Variants in NTRK2 observed in about 807,000 individuals in gnomAD.
NTRK2 encodes neurotrophic receptor tyrosine kinase 2, also known as BDNF/NT-3 growth factors receptor.
In NTRK2, 13 loss-of-function variants were observed where a neutral mutation model predicts 94.5. The observed-to-expected ratio is 0.14, with a 90% confidence interval of 0.09 to 0.22. The LOEUF (loss-of-function observed/expected upper bound fraction) is 0.22, where lower values mean the gene tolerates loss of function less well. Ranked by LOEUF, NTRK2 falls within the 10% of genes least tolerant of loss-of-function variation. The pLI is 1.00. For synonymous variants in NTRK2, 372 were observed against 407.4 expected, an observed-to-expected ratio of 0.91 and a Z score of 1.05; for missense variants, 639 against 1,071.2, an observed-to-expected ratio of 0.60 and a Z score of 5.63.
rs773097781 is a variant in NTRK2, at chr9:84,751,955, G to C, written c.1297-31G>C. ...ATGATTATAGGGAACTAATTAGCAA[G>C]GTTATAACCACCCTCCCTTCCTTTC... On this transcript the variant is annotated intron_variant, in intron 11 of 18. Coordinates refer to ENST00000277120, the MANE Select transcript of NTRK2 (RefSeq NM_006180.6). 6 of 1,571,804 alleles carry C rather than the reference G, an allele frequency of 3.8e-6. No homozygotes were observed. The Admixed American group carries it at 1.0e-4, about 26-fold the overall frequency.
In NTRK2 at chr9:84,934,301, A is replaced by C. The variant is rs1364420496; in HGVS notation, c.1764+9A>C. 6.2e-7 allele frequency: 1 copy of C among 1,613,698 alleles called. No homozygotes were observed. Among genetic ancestry groups the C allele is most frequent in the Non-Finnish European group, 8.5e-7 (1 of 1,179,778 alleles). On this transcript the variant is annotated intron_variant, in intron 15 of 18. Transcript: ENST00000277120. ...TCTTGGTGGCAGTGAAGGTAAGAGA[A>C]CATTCCAGAATGTCTCATTAACCAT...
At chr9:84,865,241 G>A (rs896412220) in intron 13 of NTRK2, among the ~76,000 whole-genome samples, 1 of 152,168 alleles carries the variant, frequency 6.6e-6, no homozygotes. Flanking sequence ...GCTTTTGAGT[G>A]TTCTGTGGCT....
intron 12 of NTRK2, among the ~76,000 whole-genome samples, chr9:84,820,256 G>A (rs1407632631): frequency 2.7e-5 from 4 of 147,196 alleles, no homozygotes; most frequent in Admixed American, 7.0e-5. Flanking sequence ...TGCAACCTCC[G>A]CATCCCAGGT....
chr9:84,803,484 A>G (rs960773416), intron 12 of NTRK2, among the ~76,000 whole-genome samples: 5 of 152,142 alleles, frequency 3.3e-5, no homozygotes, highest in Admixed American at 6.5e-5. Flanking sequence ...TGGGCTGTTA[A>G]TGTCCTCACT....
intron 14 of NTRK2, among the ~76,000 whole-genome samples, chr9:84,869,092 T>C (rs972916095): frequency 1.3e-5 from 2 of 152,194 alleles, no homozygotes; most frequent in Non-Finnish European, 2.9e-5. Context: ...TGAGATCCTC[T>C]AGTCAAAAGT....
At chr9:84,681,863 G>C in intron 2 of NTRK2, among the ~76,000 whole-genome samples, 1 of 151,988 alleles carries the variant, frequency 6.6e-6, no homozygotes, top group Non-Finnish European at 1.5e-5. Flanking sequence ...TCACTATATT[G>C]CTATATAAAG....
intron 4 of NTRK2, 61 bp downstream of exon 4, chr9:84,702,480 T>G: frequency 1.4e-6 from 2 of 1,407,070 alleles, no homozygotes; most frequent in Non-Finnish European, 2.0e-6. Context: ...TTCCCCCCTC[T>G]GTTTATTTTC....
At position 84,821,815 on chromosome 9, in the gene NTRK2, T is replaced by TAGAGAG. The variant is rs55923826; in HGVS notation, c.1397-39193_1397-39188dup. Among the ~76,000 whole-genome samples, 1,043 of 147,462 alleles carry TAGAGAG rather than the reference T, an allele frequency of 7.1e-3. 5 individuals are homozygous for TAGAGAG. Among genetic ancestry groups the TAGAGAG allele is most frequent in the Middle Eastern group, 0.024 (7 of 288 alleles). On this transcript the variant is annotated intron_variant, in intron 12 of 18. Coordinates refer to ENST00000277120, the MANE Select transcript of NTRK2 (RefSeq NM_006180.6). ...CCCTCTTAGCAGAGAGGGAGAGAAGTAGAGAGAGAGAGAGAGAGAGAGAGA... is the reference window on the plus strand; with the variant it reads ...CCCTCTTAGCAGAGAGGGAGAGAAGTAGAGAGAGAGAGAGAGAGAGAGAGAGAGAGA...
intron 13 of NTRK2, among the ~76,000 whole-genome samples, chr9:84,861,306 C>A (rs1015883108): frequency 6.6e-6 from 1 of 152,064 alleles, no homozygotes; most frequent in Admixed American, 6.6e-5. Flanking sequence ...AGATTTGACT[C>A]GTTTTTATCC....
intron 11 of NTRK2, 59 bp from the exon 12 acceptor site, chr9:84,751,927 C>A: frequency 8.0e-7 from 1 of 1,246,148 alleles, no homozygotes; most frequent in Non-Finnish European, 1.2e-6. Context: ...TCATCATCAC[C>A]ATATGATTAT....
chr9:84,715,534 GC>G (rs1249334785), intron 6 of NTRK2, among the ~76,000 whole-genome samples: 1 of 152,060 alleles, frequency 6.6e-6, no homozygotes, highest in African/African-American at 2.4e-5. Flanking sequence ...TCTTCAAACG[GC>G]CCTTCTAAAC....
intron 17 of NTRK2, among the ~76,000 whole-genome samples, chr9:84,965,782 G>A (rs1370553597): frequency 6.6e-6 from 1 of 152,096 alleles, no homozygotes; most frequent in East Asian, 1.9e-4. Context: ...TCAAAGTAGT[G>A]GGTCTTCAGG....
At chr9:84,802,243 A>G (rs1026623980) in intron 12 of NTRK2, among the ~76,000 whole-genome samples, 6 of 152,206 alleles carry the variant, frequency 3.9e-5, no homozygotes. Flanking sequence ...AAGCTGTTAT[A>G]TTTGGAATGC....
At chr9:84,968,338 T>G (rs906676979) in intron 17 of NTRK2, among the ~76,000 whole-genome samples, 1 of 152,212 alleles carries the variant, frequency 6.6e-6, no homozygotes, top group Non-Finnish European at 1.5e-5. Flanking sequence ...TTCTCAGAGC[T>G]CTGCCCTTTG....
chr9:84,760,941 A>G lies in NTRK2; in HGVS notation c.1396+8856A>G, dbSNP rs200104749. Reference sequence around the variant, plus strand: ...CAGCCTGCTAGAAAGGAAAAGAGGGATTGTCAAGAAATTAAATTCTTCCTT... The same window carrying G: ...CAGCCTGCTAGAAAGGAAAAGAGGGGTTGTCAAGAAATTAAATTCTTCCTT... On this transcript the variant is annotated intron_variant, in intron 12 of 18. Coordinates refer to ENST00000277120, the MANE Select transcript of NTRK2 (RefSeq NM_006180.6). Among the ~76,000 whole-genome samples the G allele has an allele frequency of 2.0e-5, 3 of 152,308 alleles. No individual in the cohort carries two copies. The East Asian group carries it at 5.8e-4, about 29-fold the overall frequency.
At chr9:84,923,831 C>T (rs557238741) in intron 14 of NTRK2, among the ~76,000 whole-genome samples, 7 of 151,832 alleles carry the variant, frequency 4.6e-5, no homozygotes, top group Non-Finnish European at 7.4e-5. Flanking sequence ...GCCCGGGAGG[C>T]GGAGGTCGCA....
chr9:84,692,964 G>A lies in NTRK2; in HGVS notation c.213-9195G>A, dbSNP rs189018279. ...ATGGGCCAGTGAAAGATCGGAAGTT[G>A]CTCAAGATGGAACCAATTGGAAATG... On this transcript the variant is annotated intron_variant, in intron 2 of 18. Transcript: ENST00000277120. Among the ~76,000 whole-genome samples the A allele has an allele frequency of 3.5e-4, 54 of 152,274 alleles. 1 individual carries two copies. In the East Asian group the frequency reaches 6.0e-3, roughly 17 times the overall value.
In NTRK2 at chr9:84,915,182, G is replaced by A. The variant is rs118000785; in HGVS notation, c.1634-18980G>A. ...TCCGCTGCTCACTGCCTGCTGTGCG[G>A]CCCAGTTCCTAACAGGCCATAGATC... is the stretch of plus-strand genomic sequence containing the variant. On this transcript the variant is annotated intron_variant, in intron 14 of 18. Transcript: ENST00000277120. Among the ~76,000 whole-genome samples, 708 of 152,260 alleles carry A rather than the reference G, an allele frequency of 4.6e-3. 12 individuals carry two copies. The highest frequency in any genetic ancestry group is 0.037 in the Admixed American group (572 of 15,294).
chr9:84,781,534 TAATA>T (rs1319047603), intron 12 of NTRK2, among the ~76,000 whole-genome samples: 2 of 152,200 alleles, frequency 1.3e-5, no homozygotes, highest in African/African-American at 4.8e-5. Context: ...ATTTTGAGAT[TAATA>T]AATAATGTAT....
Sources: allele counts gnomAD v4.1 joint callset (sites outside exome capture counted in the v4.1 genomes callset), GRCh38; gene constraint gnomAD v4.1.1; transcripts MANE v1.5; gene names NCBI Gene and HGNC (gene_info 2026-07-23, HGNC 2026-07-21).